Variants in GLRA2 observed in about 807,000 individuals in gnomAD.
GLRA2 encodes the protein glycine receptor alpha 2.
Under a neutral mutation model 31.6 loss-of-function variants are expected in GLRA2, and 11 were observed. That is an observed-to-expected ratio of 0.35 (90% CI 0.22 to 0.58). The LOEUF (loss-of-function observed/expected upper bound fraction) is 0.58. Among genes scored for constraint, GLRA2 ranks in the 20% least tolerant of loss-of-function variants. GLRA2 has a pLI of 0.84. For synonymous variants in GLRA2, 132 were observed against 134.0 expected (o/e 0.99, Z 0.10); for missense variants, 212 against 351.8 (o/e 0.60, Z 3.18).
the GLRA2 span, among the ~76,000 whole-genome samples, chrX:14,506,607 T>A: frequency 1.8e-5 from 2 of 112,001 alleles, no homozygotes. Context: ...GTAATCATGC[T>A]GTACACACCT....
intron 8 of GLRA2, among the ~76,000 whole-genome samples, chrX:14,717,609 G>A (rs1422995990): frequency 9.1e-6 from 1 of 110,464 alleles, no homozygotes; most frequent in Non-Finnish European, 1.9e-5. Flanking sequence ...GTTGTATATA[G>A]TTATGAGTAC....
the GLRA2 span, among the ~76,000 whole-genome samples, chrX:14,488,134 C>T: frequency 8.9e-6 from 1 of 111,787 alleles, no homozygotes; most frequent in African/African-American, 3.3e-5. Context: ...GTCCAGTTGC[C>T]TAGAAAGCTG....
chrX:14,552,833 A>T (rs768783949), intron 2 of GLRA2, among the ~76,000 whole-genome samples: 1 of 111,423 alleles, frequency 9.0e-6, no homozygotes, highest in Non-Finnish European at 1.9e-5. Context: ...AAAATTAGAG[A>T]CTCTTTAAAG....
chrX:14,679,614 T>C lies in GLRA2; in HGVS notation c.931-11096T>C, dbSNP rs185037989. Among the ~76,000 whole-genome samples, 4 of 110,550 alleles carry C rather than the reference T, an allele frequency of 3.6e-5. No homozygotes were observed. In the East Asian group the frequency reaches 1.1e-3, roughly 32 times the overall value. On this transcript the variant is annotated intron_variant, in intron 7 of 8. Transcript: ENST00000218075. ...CTCCCAGGTGCCCAGCATATCCCGGTCACTGGGTTGCTCATTATTCGCAAG... is the reference window on the plus strand; with the variant it reads ...CTCCCAGGTGCCCAGCATATCCCGGCCACTGGGTTGCTCATTATTCGCAAG...
At chrX:14,701,267 T>G (rs1414337252) in intron 8 of GLRA2, among the ~76,000 whole-genome samples, 1 of 111,213 alleles carries the variant, frequency 9.0e-6, no homozygotes, top group African/African-American at 3.3e-5. Flanking sequence ...TGTAGGGGCA[T>G]CAATGTGCTG....
chrX:14,666,856 A>T (rs1260106778), intron 7 of GLRA2, among the ~76,000 whole-genome samples: 1 of 112,127 alleles, frequency 8.9e-6, no homozygotes, highest in East Asian at 2.8e-4. Context: ...GCAAGACAGG[A>T]TTTAGACCCT....
intron 7 of GLRA2, among the ~76,000 whole-genome samples, chrX:14,687,330 C>T (rs1270856537): frequency 9.0e-6 from 1 of 111,560 alleles, no homozygotes; most frequent in Non-Finnish European, 1.9e-5. Flanking sequence ...CTCTGTATTT[C>T]CTGAATTTGA....
At chrX:14,479,258 A>G in the GLRA2 span, among the ~76,000 whole-genome samples, 7 of 112,421 alleles carry the variant, frequency 6.2e-5, no homozygotes, top group Non-Finnish European at 1.3e-4. Flanking sequence ...CTGTTTTCAC[A>G]GCATTACTGG....
chrX:14,701,707 AAC>A (rs768832938), intron 8 of GLRA2, among the ~76,000 whole-genome samples: 5 of 112,893 alleles, frequency 4.4e-5, no homozygotes, highest in Admixed American at 9.3e-5. Context: ...TTTGCAATAA[AAC>A]AGTTAACTCT....
intron 4 of GLRA2, among the ~76,000 whole-genome samples, chrX:14,602,001 C>A (rs889043435): frequency 1.8e-5 from 2 of 111,611 alleles, no homozygotes; most frequent in Non-Finnish European, 3.8e-5. Context: ...CATCATCTTA[C>A]CTACCTCATC....
chrX:14,584,759 G>C (rs2090062574), intron 4 of GLRA2, among the ~76,000 whole-genome samples: 1 of 111,888 alleles, frequency 8.9e-6, no homozygotes, highest in African/African-American at 3.3e-5. Flanking sequence ...CTGAGAAAAT[G>C]GGACATATGT....
the GLRA2 span, among the ~76,000 whole-genome samples, chrX:14,450,639 A>G: frequency 8.9e-6 from 1 of 112,251 alleles, no homozygotes; most frequent in Non-Finnish European, 1.9e-5. Context: ...GAACCCCATC[A>G]GGCTAACGGT....
intron 2 of GLRA2, among the ~76,000 whole-genome samples, chrX:14,546,100 G>A (rs914260260): frequency 1.6e-4 from 18 of 111,240 alleles, no homozygotes; most frequent in Non-Finnish European, 2.8e-4. Flanking sequence ...ATACTATTCA[G>A]TATTTATTTT....
intron 2 of GLRA2, among the ~76,000 whole-genome samples, chrX:14,574,023 G>A (rs2089919644): frequency 9.0e-6 from 1 of 110,548 alleles, no homozygotes; most frequent in African/African-American, 3.3e-5. Context: ...TGATCCTAAG[G>A]TCAAAAATAA....
At chrX:14,688,231 T>C (rs1444305039) in intron 7 of GLRA2, among the ~76,000 whole-genome samples, 2 of 111,492 alleles carry the variant, frequency 1.8e-5, no homozygotes, top group South Asian at 3.8e-4. Flanking sequence ...GCCTCCCAGT[T>C]AGGCTACTCG....
chrX:14,498,544 T>G, the GLRA2 span, among the ~76,000 whole-genome samples: 21 of 111,242 alleles, frequency 1.9e-4, no homozygotes, highest in African/African-American at 6.5e-4. Context: ...TATATTTGTA[T>G]AATTTGTACA....
chrX:14,552,443 G>T (rs892506728), intron 2 of GLRA2, among the ~76,000 whole-genome samples: 1 of 112,142 alleles, frequency 8.9e-6, no homozygotes, highest in Non-Finnish European at 1.9e-5. Flanking sequence ...TACTGTTAAC[G>T]ATATCCTTTT....
chrX:14,566,882 C>T lies in GLRA2; in HGVS notation c.203-7451C>T, dbSNP rs140294706. Among the ~76,000 whole-genome samples the T allele has an allele frequency of 6.0e-4, 67 of 111,763 alleles. 2 individuals carry two copies. In the East Asian group the frequency reaches 0.017, roughly 28 times the overall value. ...ACCCTAGACTGAATAAAAGCATTGG[C>T]CCATGGGTCCCTTCTCTCTCTCTCT... is the stretch of plus-strand genomic sequence containing the variant. On this transcript the variant is annotated intron_variant, in intron 2 of 8. Coordinates refer to ENST00000218075, the MANE Select transcript of GLRA2 (RefSeq NM_002063.4).
rs944617587 is a variant in GLRA2, at chrX:14,730,689, G to A, written c.*204G>A. 5 of 409,489 alleles carry A rather than the reference G, an allele frequency of 1.2e-5. No homozygotes were observed. The highest frequency in any genetic ancestry group is 1.3e-5 in the Non-Finnish European group (3 of 235,321). 33.7% of individuals were successfully genotyped at this position (409,489 alleles called of 1,213,427 possible). A position where few individuals can be genotyped will look rare whatever the true frequency, so the allele number is the denominator to read the frequency against. On this transcript the variant is annotated 3_prime_UTR_variant, in exon 9 of 9. Transcript: ENST00000218075. ...GAAAACTGCACAAAATTAAGGGGTT[G>A]CAGAATCACGGGAGCATAATAATTC...
Sources: allele counts gnomAD v4.1 joint callset (sites outside exome capture counted in the v4.1 genomes callset), GRCh38; gene constraint gnomAD v4.1.1; transcripts MANE v1.5; gene names NCBI Gene and HGNC (gene_info 2026-07-23, HGNC 2026-07-21).